The following OPRM1 variants were observed in gnomAD, a reference collection of about 807,000 sequenced individuals.
The protein encoded by OPRM1 is opioid receptor mu 1, also known as mu-type opioid receptor.
A neutral mutation model predicts 31.8 loss-of-function variants in OPRM1; 27 were observed. That is an observed-to-expected ratio of 0.85 (90% CI 0.63 to 1.17). OPRM1 has a LOEUF of 1.17. Among genes scored for constraint, OPRM1 ranks in the 50% most tolerant of loss-of-function variants. OPRM1 has a pLI of 0.00. For missense variants in OPRM1, 536 were observed against 511.1 expected (o/e 1.05, Z -0.47); for synonymous variants, 196 against 189.9 (o/e 1.03, Z -0.26).
intron 3 of OPRM1, among the ~76,000 whole-genome samples, chr6:154,182,988 C>CT (rs1041540280): frequency 1.7e-3 from 221 of 130,850 alleles, no homozygotes; most frequent in African/African-American, 6.6e-3. Context: ...TTTTTTTTTT[C>CT]TTTTTTTTTG....
intron 1 of OPRM1, among the ~76,000 whole-genome samples, chr6:154,084,174 T>C (rs1583439286): frequency 6.6e-6 from 1 of 152,240 alleles, no homozygotes; most frequent in South Asian, 2.1e-4. Flanking sequence ...TTGCTGATAG[T>C]AGCTTATTAG....
chr6:154,187,027 G>A (rs956217957), intron 3 of OPRM1, among the ~76,000 whole-genome samples: 1 of 151,464 alleles, frequency 6.6e-6, no homozygotes, highest in African/African-American at 2.4e-5. Context: ...CTGGCCACAC[G>A]CCCTCCACTC....
chr6:154,150,144 A>G (rs1798460966), intron 3 of OPRM1, among the ~76,000 whole-genome samples: 1 of 152,164 alleles, frequency 6.6e-6, no homozygotes, highest in Admixed American at 6.5e-5. Context: ...ACTCATCTTC[A>G]TTAAATTTGG....
intron 3 of OPRM1, among the ~76,000 whole-genome samples, chr6:154,144,144 C>A (rs938651633): frequency 6.6e-6 from 1 of 152,116 alleles, no homozygotes; most frequent in Non-Finnish European, 1.5e-5. Context: ...AATTTCAATA[C>A]CCTGTAAGTA....
At chr6:154,061,195 A>C (rs892403220) in intron 1 of OPRM1, among the ~76,000 whole-genome samples, 1 of 152,182 alleles carries the variant, frequency 6.6e-6, no homozygotes, top group African/African-American at 2.4e-5. Flanking sequence ...AAAATGGGCC[A>C]GGAACATGTC....
intron 3 of OPRM1, among the ~76,000 whole-genome samples, chr6:154,195,416 G>T (rs941633405): frequency 5.9e-5 from 9 of 151,948 alleles, no homozygotes; most frequent in Non-Finnish European, 1.2e-4. Flanking sequence ...CAAAGTGCTG[G>T]GATTACAGGT....
chr6:154,026,796 T>G (rs1778721533), intron 1 of OPRM1, among the ~76,000 whole-genome samples: 1 of 152,212 alleles, frequency 6.6e-6, no homozygotes, highest in Admixed American at 6.5e-5. Context: ...TCTGTTTTAT[T>G]ATTTTTAATT....
intron 1 of OPRM1, among the ~76,000 whole-genome samples, chr6:154,085,888 C>G: frequency 8.1e-6 from 1 of 123,944 alleles, no homozygotes; most frequent in East Asian, 2.2e-4. Context: ...AAAGCTTGCC[C>G]TTTTTTTTTT....
rs967471614 is a variant in OPRM1, at chr6:154,129,843, C to T, written c.*11122C>T. Among the ~76,000 whole-genome samples the T allele has an allele frequency of 3.0e-5, 4 of 133,912 alleles. No individual in the cohort carries two copies. The East Asian group carries it at 6.1e-4, about 20-fold the overall frequency. 87.9% of individuals were successfully genotyped at this position (133,912 alleles called of 152,430 possible). The stretch of plus-strand genomic sequence containing the variant: ...AAGCGTACTTTACCACCGACACCCT[C>T]CCCCCCCAGCACACACACACACACA... On this transcript the variant is annotated 3_prime_UTR_variant, in exon 4 of 4. Transcript: ENST00000330432.
chr6:154,024,834 T>A (rs1409535237), intron 1 of OPRM1, among the ~76,000 whole-genome samples: 2 of 152,082 alleles, frequency 1.3e-5, no homozygotes, highest in East Asian at 1.9e-4. Flanking sequence ...TTAATTTCCA[T>A]GTGTTTGAAC....
rs530777804 is a variant in OPRM1, at chr6:154,241,836, G to A, written c.1165-4857G>A. ...GGCAGTGGCTCCCTACTGCCTGCTG[G>A]ATCAAACCCACATTCCTACACTATC... On this transcript the variant is annotated intron_variant, in intron 3 of 3. Coordinates refer to the OPRM1 transcript ENST00000337049. 2.0e-5 allele frequency among the ~76,000 whole-genome samples: 3 copies of A among 152,202 alleles called. No individual in the cohort carries two copies. The South Asian group carries it at 6.2e-4, about 32-fold the overall frequency.
intron 3 of OPRM1, among the ~76,000 whole-genome samples, chr6:154,229,174 T>C (rs956005517): frequency 2.0e-5 from 3 of 152,204 alleles, no homozygotes; most frequent in African/African-American, 7.2e-5. Context: ...GGATTGTGAG[T>C]ACCTTGAAGG....
At chr6:154,085,886 C>G (rs62436464) in intron 1 of OPRM1, among the ~76,000 whole-genome samples, 1 of 101,360 alleles carries the variant, frequency 9.9e-6, no homozygotes, top group South Asian at 2.6e-4. Flanking sequence ...TGAAAGCTTG[C>G]CCTTTTTTTT....
At chr6:154,101,056 G>C (rs1489047266) in intron 3 of OPRM1, among the ~76,000 whole-genome samples, 1 of 151,428 alleles carries the variant, frequency 6.6e-6, no homozygotes, top group African/African-American at 2.4e-5. Flanking sequence ...TAATAGAAAA[G>C]CAAATCCTAT....
At chr6:154,015,299 G>C (rs1777942652) in intron 1 of OPRM1, among the ~76,000 whole-genome samples, 1 of 152,010 alleles carries the variant, frequency 6.6e-6, no homozygotes, top group Non-Finnish European at 1.5e-5. Flanking sequence ...AAAAGACAGA[G>C]AGACTAATGG....
intron 3 of OPRM1, chr6:154,093,620 T>G: frequency 8.4e-7 from 1 of 1,185,018 alleles, no homozygotes; most frequent in Non-Finnish European, 1.1e-6. Flanking sequence ...TTAGGCCTTA[T>G]CTTCATCGCT....
chr6:154,194,922 G>C (rs1776462410), intron 3 of OPRM1, among the ~76,000 whole-genome samples: 1 of 151,990 alleles, frequency 6.6e-6, no homozygotes, highest in Non-Finnish European at 1.5e-5. Flanking sequence ...CACAAAACAA[G>C]ATTACTAGGT....
intron 3 of OPRM1, among the ~76,000 whole-genome samples, chr6:154,112,936 C>A (rs562212507): frequency 6.6e-6 from 1 of 152,124 alleles, no homozygotes; most frequent in Non-Finnish European, 1.5e-5. Context: ...CCAGGATCCC[C>A]GACCCAATTA....
intron 1 of OPRM1, among the ~76,000 whole-genome samples, chr6:154,044,483 C>T (rs1360938257): frequency 3.3e-5 from 5 of 151,972 alleles, no homozygotes; most frequent in Middle Eastern, 6.8e-3. Context: ...AACAAACATT[C>T]GGGCCATTAA....
Sources: allele counts gnomAD v4.1 joint callset (sites outside exome capture counted in the v4.1 genomes callset), GRCh38; gene constraint gnomAD v4.1.1; transcripts MANE v1.5; gene names NCBI Gene and HGNC (gene_info 2026-07-23, HGNC 2026-07-21).